Variants in NEK5 observed in about 807,000 individuals in gnomAD.
NEK5 encodes the protein serine/threonine-protein kinase Nek5.
Under a neutral mutation model 109.2 loss-of-function variants are expected in NEK5, and 88 were observed. The ratio of observed to expected loss-of-function variants is 0.81; its 90% CI spans 0.68 to 0.96. The LOEUF is 0.96. Ranked by LOEUF, NEK5 falls within the 40% of genes least tolerant of loss-of-function variation. The pLI is 0.00. For missense variants in NEK5, 834 were observed against 920.7 expected (o/e 0.91, Z 1.22); for synonymous variants, 283 against 299.9 (o/e 0.94, Z 0.58).
intron 23 of NEK5, among the ~76,000 whole-genome samples, chr13:52,047,995 G>A (rs73500122): frequency 0.1 from 15,264 of 152,044 alleles, 744 homozygotes; most frequent in Admixed American, 0.12. Flanking sequence ...GAAAACACAA[G>A]AGGAAAAAAG....
At chr13:52,078,916 C>A (rs1041562147) in intron 17 of NEK5, among the ~76,000 whole-genome samples, 16 of 152,218 alleles carry the variant, frequency 1.1e-4, no homozygotes, top group South Asian at 1.0e-3. Context: ...GCAAATCAGA[C>A]AACCAACTTC....
chr13:52,067,579 G>C (rs1353331576), intron 20 of NEK5, among the ~76,000 whole-genome samples: 1 of 152,022 alleles, frequency 6.6e-6, no homozygotes, highest in East Asian at 1.9e-4. Context: ...TTCCTTTTTG[G>C]GGCATACTTT....
intron 12 of NEK5, among the ~76,000 whole-genome samples, chr13:52,098,687 T>C (rs1388550591): frequency 6.6e-6 from 1 of 152,206 alleles, no homozygotes; most frequent in Non-Finnish European, 1.5e-5. Context: ...TGTTGCTATG[T>C]TACTCACTTT....
chr13:52,061,914 C>G lies in NEK5; in HGVS notation c.2015G>C (p.Arg672Thr), dbSNP rs184946047. The G allele has an allele frequency of 7.4e-4, 718 of 967,608 alleles. 1 individual carries two copies. Among genetic ancestry groups the G allele is most frequent in the Non-Finnish European group, 8.5e-4 (693 of 813,350 alleles). The allele number at this position is 967,608 out of a possible 1,614,324, so 59.9% of individuals were successfully genotyped here. Residue 672 changes from arginine (R) to threonine (T), a missense_variant, in exon 22 of 24, where the codon AGG (arginine) becomes ACG (threonine). By Grantham distance (71) the Arg-to-Thr change is moderately conservative. Coordinates refer to ENST00000684899, the MANE Select transcript of NEK5 (RefSeq NM_001365552.1). ...TGGAGCTTCATGCCGCCACTGTTTCCTGTTTCCTGGAATGCCTTCAATCAC... is the reference window on the plus strand; with the variant it reads ...TGGAGCTTCATGCCGCCACTGTTTCGTGTTTCCTGGAATGCCTTCAATCAC... Reference protein sequence around the residue: ...VIVIEGIPGNRKQWRHEAPGT... With the variant: ...VIVIEGIPGNTKQWRHEAPGT...
At chr13:52,075,922 C>G in intron 18 of NEK5, 96 bp from the exon 19 acceptor site, 1 of 949,244 alleles carries the variant, frequency 1.1e-6, no homozygotes, top group Non-Finnish European at 1.6e-6. Flanking sequence ...ATTATAGATT[C>G]TTAAAACCAT....
intron 23 of NEK5, among the ~76,000 whole-genome samples, chr13:52,045,364 T>C (rs1354623036): frequency 2.7e-5 from 4 of 149,840 alleles, no homozygotes; most frequent in Admixed American, 6.6e-5. Context: ...TCTCCTGACC[T>C]TGTGATCTGC....
chr13:52,073,334 G>A (rs1246581165), intron 19 of NEK5, among the ~76,000 whole-genome samples: 2 of 123,798 alleles, frequency 1.6e-5, no homozygotes. Context: ...TTTTTTTTTT[G>A]AGACAGTGTC....
At chr13:52,092,564 A>G (rs758814812) in intron 13 of NEK5, among the ~76,000 whole-genome samples, 1 of 152,132 alleles carries the variant, frequency 6.6e-6, no homozygotes, top group African/African-American at 2.4e-5. Flanking sequence ...ACCAACTAAC[A>G]AGCAGGTATA....
At chr13:52,091,950 GATTTTA>G (rs1387222982) in intron 13 of NEK5, among the ~76,000 whole-genome samples, 3 of 152,116 alleles carry the variant, frequency 2.0e-5, no homozygotes, top group Non-Finnish European at 2.9e-5. Context: ...ATGATCATTT[GATTTTA>G]ATGATTCAAT....
chr13:52,082,314 T>TAAA, intron 17 of NEK5: 1 of 909,344 alleles, frequency 1.1e-6, no homozygotes, highest in Admixed American at 3.4e-5. Context: ...AAATTCCATC[T>TAAA]AAAAAAAAAA....
At chr13:52,084,758 AGAGAGT>A (rs1228238609) in intron 16 of NEK5, among the ~76,000 whole-genome samples, 149 of 45,142 alleles carry the variant, frequency 3.3e-3, no homozygotes, top group Non-Finnish European at 5.4e-3. Context: ...AGAGAGAGAG[AGAGAGT>A]GTGTGTGTGT....
intron 23 of NEK5, among the ~76,000 whole-genome samples, chr13:52,046,854 G>A (rs1035262941): frequency 3.3e-5 from 5 of 152,060 alleles, no homozygotes; most frequent in African/African-American, 1.2e-4. Flanking sequence ...AAATATTTTT[G>A]AATCATGTTA....
intron 22 of NEK5, among the ~76,000 whole-genome samples, chr13:52,054,288 T>C (rs1467132386): frequency 3.3e-5 from 5 of 152,224 alleles, no homozygotes; most frequent in African/African-American, 1.2e-4. Context: ...ATAGTTGTTA[T>C]GAAGGAATAA....
In NEK5 at chr13:52,070,357, T is replaced by C. The variant is rs558949402; in HGVS notation, c.1849+1587A>G. Among the ~76,000 whole-genome samples the C allele has an allele frequency of 1.1e-3, 171 of 152,328 alleles. 1 individual carries two copies. The Middle Eastern group carries it at 0.014, about 12-fold the overall frequency. On this transcript the variant is annotated intron_variant, in intron 20 of 23. Transcript: ENST00000684899. Reference sequence around the variant, plus strand: ...AAAAAATCTGAGCAGAGTAATAATATGCCAAGATAACTTTAGTAACTGATA... The same window carrying C: ...AAAAAATCTGAGCAGAGTAATAATACGCCAAGATAACTTTAGTAACTGATA...
intron 23 of NEK5, 113 bp from the exon 24 acceptor site, chr13:52,037,331 T>C (rs1954369424): frequency 3.0e-6 from 1 of 330,282 alleles, no homozygotes; most frequent in Non-Finnish European, 4.3e-6. Flanking sequence ...AAAGTTGCAT[T>C]TTCACCTAGG....
chr13:52,065,454 C>G, intron 21 of NEK5, 30 bp downstream of exon 21: 1 of 1,614,222 alleles, frequency 6.2e-7, no homozygotes, highest in Non-Finnish European at 8.5e-7. Context: ...GTCTTCCCTT[C>G]CTGACGACTG....
intron 22 of NEK5, among the ~76,000 whole-genome samples, chr13:52,054,542 A>T (rs557319935): frequency 2.4e-4 from 36 of 152,162 alleles, no homozygotes; most frequent in Non-Finnish European, 2.9e-4. Flanking sequence ...CAGACTTAAA[A>T]GTCCCTGTCT....
In NEK5 at chr13:52,065,549, G is replaced by T; in HGVS notation, c.1910C>A (p.Pro637His). 6.2e-7 allele frequency: 1 copy of T among 1,614,130 alleles called. No individual in the cohort carries two copies. Reference protein sequence around the residue: ...GNRRQWDGGAPQTLLQMMAVA... With the variant: ...GNRRQWDGGAHQTLLQMMAVA... ...TGCCATCATCTGCAGCAGAGTCTGA[G>T]GCGCTCCTCCATCCCACTGCCTCCT... Residue 637 changes from proline (P) to histidine (H), a missense_variant, in exon 21 of 24, where the codon CCT becomes CAT. Pro to His is a moderately conservative substitution (Grantham distance 77). This residue lies in a region of NEK5 where 777 missense variants were observed against 824.7 expected (regional missense o/e 0.94). Coordinates refer to ENST00000684899, the MANE Select transcript of NEK5 (RefSeq NM_001365552.1).
chr13:52,109,196 C>T (rs988566595), intron 7 of NEK5, among the ~76,000 whole-genome samples: 13 of 152,132 alleles, frequency 8.5e-5, no homozygotes, highest in African/African-American at 3.1e-4. Context: ...CTCATAAACC[C>T]TCCCTTTGGC....
Sources: allele counts gnomAD v4.1 joint callset (sites outside exome capture counted in the v4.1 genomes callset), GRCh38; gene constraint gnomAD v4.1.1; regional missense constraint gnomAD v4.1.1; transcripts MANE v1.5; gene names NCBI Gene and HGNC (gene_info 2026-07-23, HGNC 2026-07-21).